WDFY2: variants seen among roughly 807,000 people sequenced by gnomAD.
The protein encoded by WDFY2 is WD repeat and FYVE domain containing 2, also known as WD repeat and FYVE domain-containing protein 2.
A neutral mutation model predicts 56.4 loss-of-function variants in WDFY2; 36 were observed. That is an observed-to-expected ratio of 0.64 (90% CI 0.49 to 0.84). The LOEUF (loss-of-function observed/expected upper bound fraction) is 0.84. WDFY2 is among the 40% of genes least tolerant of loss of function. WDFY2 has a pLI of 0.00. For missense variants in WDFY2, 444 were observed against 512.2 expected, an observed-to-expected ratio of 0.87 and a Z score of 1.29; for synonymous variants, 176 against 183.7, an observed-to-expected ratio of 0.96 and a Z score of 0.34.
At chr13:51,592,845 G>A (rs1323280747) in intron 1 of WDFY2, among the ~76,000 whole-genome samples, 1 of 152,168 alleles carries the variant, frequency 6.6e-6, no homozygotes, top group Admixed American at 6.5e-5. Flanking sequence ...ATATAGGCCA[G>A]GCGTGGTGAT....
At chr13:51,584,957 C>T in intron 1 of WDFY2, 133 bp downstream of exon 1, 1 of 1,260,230 alleles carries the variant, frequency 7.9e-7, no homozygotes, top group Non-Finnish European at 1.1e-6. Context: ...TAATGCGCAT[C>T]CTGGTGGTGC....
rs142738792 is a variant in WDFY2 at position 51,738,934 on chromosome 13, A to G, written c.599-115A>G. ...GACTTACTTGATTGTTCTTTCAATAAGAATTTATTGTATGCCAGGAACTGC... is the reference window on the plus strand; with the variant it reads ...GACTTACTTGATTGTTCTTTCAATAGGAATTTATTGTATGCCAGGAACTGC... On this transcript the variant is annotated intron_variant, in intron 6 of 11. Coordinates refer to ENST00000298125, the MANE Select transcript of WDFY2 (RefSeq NM_052950.4). The G allele has an allele frequency of 1.6e-4, 197 of 1,255,642 alleles. 1 individual carries two copies. In the African/African-American group the frequency reaches 2.6e-3, roughly 17 times the overall value. 77.8% of individuals were successfully genotyped at this position (1,255,642 alleles called of 1,614,324 possible).
chr13:51,607,442 A>T (rs776627977), intron 1 of WDFY2, among the ~76,000 whole-genome samples: 71 of 152,318 alleles, frequency 4.7e-4, no homozygotes, highest in Admixed American at 2.1e-3. Flanking sequence ...GACTCCAGTC[A>T]TGTTGCCAAG....
At chr13:51,696,449 T>C (rs1472043136) in intron 3 of WDFY2, among the ~76,000 whole-genome samples, 1 of 152,194 alleles carries the variant, frequency 6.6e-6, no homozygotes, top group Non-Finnish European at 1.5e-5. Context: ...TATTAACATA[T>C]AAGTTGTATC....
chr13:51,703,422 T>C lies in WDFY2; in HGVS notation c.280-174T>C, dbSNP rs377272445. Among the ~76,000 whole-genome samples the C allele has an allele frequency of 1.3e-3, 201 of 152,328 alleles. 1 individual carries two copies. The highest frequency in any genetic ancestry group is 3.9e-3 in the South Asian group (19 of 4,824). On this transcript the variant is annotated intron_variant, in intron 3 of 11. Transcript: ENST00000298125. Reference sequence around the variant, plus strand: ...GTAAAATTATGATAACTGCATTGGATCATAATTTTGATTGTTACTTTTAAA... The same window carrying C: ...GTAAAATTATGATAACTGCATTGGACCATAATTTTGATTGTTACTTTTAAA...
intron 1 of WDFY2, among the ~76,000 whole-genome samples, chr13:51,651,747 G>C (rs529554695): frequency 6.6e-6 from 1 of 152,330 alleles, no homozygotes; most frequent in South Asian, 2.1e-4. Context: ...TCTTAATGCT[G>C]AGTTCTAGTT....
chr13:51,744,635 C>T (rs944611619), intron 7 of WDFY2, among the ~76,000 whole-genome samples: 7 of 152,210 alleles, frequency 4.6e-5, no homozygotes, highest in Admixed American at 4.6e-4. Context: ...ATGAGGCCAT[C>T]CCACTAACTG....
intron 1 of WDFY2, among the ~76,000 whole-genome samples, chr13:51,628,405 G>A (rs930044531): frequency 2.0e-5 from 3 of 152,240 alleles, no homozygotes; most frequent in East Asian, 1.9e-4. Context: ...AGGCCAGGGC[G>A]TGGGAGCAGG....
At chr13:51,640,684 A>G (rs1955138666) in intron 1 of WDFY2, among the ~76,000 whole-genome samples, 2 of 152,216 alleles carry the variant, frequency 1.3e-5, no homozygotes, top group South Asian at 2.1e-4. Flanking sequence ...CCCTGTCTCT[A>G]CTAAAAATAC....
chr13:51,705,452 T>C (rs974446756), intron 4 of WDFY2, among the ~76,000 whole-genome samples: 19 of 152,140 alleles, frequency 1.2e-4, no homozygotes, highest in African/African-American at 4.3e-4. Flanking sequence ...CAAAATTATA[T>C]TTCCCTTCTC....
intron 3 of WDFY2, among the ~76,000 whole-genome samples, chr13:51,700,898 C>T (rs1268709428): frequency 1.3e-5 from 2 of 152,038 alleles, no homozygotes; most frequent in African/African-American, 4.8e-5. Flanking sequence ...ACCCAGGAGG[C>T]GGAGGTTGCG....
At chr13:51,724,819 T>C (rs938656168) in intron 5 of WDFY2, among the ~76,000 whole-genome samples, 2 of 152,216 alleles carry the variant, frequency 1.3e-5, no homozygotes, top group African/African-American at 4.8e-5. Context: ...TGTAGCATCA[T>C]ATGGAATAGT....
intron 6 of WDFY2, among the ~76,000 whole-genome samples, chr13:51,733,679 A>G (rs945590298): frequency 1.3e-5 from 2 of 152,200 alleles, no homozygotes; most frequent in Non-Finnish European, 2.9e-5. Context: ...ACTGGGGGAC[A>G]GCAGTGTGTG....
chr13:51,687,760 A>T (rs1391060932), intron 3 of WDFY2, among the ~76,000 whole-genome samples: 2 of 152,174 alleles, frequency 1.3e-5, no homozygotes, highest in Non-Finnish European at 2.9e-5. Context: ...GTAAAGAAGG[A>T]TAAAATGATC....
chr13:51,674,210 TATG>T (rs1201577246), intron 2 of WDFY2, among the ~76,000 whole-genome samples: 5 of 152,190 alleles, frequency 3.3e-5, no homozygotes, highest in African/African-American at 1.2e-4. Flanking sequence ...TGATTGTGAT[TATG>T]ATAATAGGTA....
At chr13:51,680,599 C>T (rs755514301) in intron 3 of WDFY2, among the ~76,000 whole-genome samples, 7 of 152,148 alleles carry the variant, frequency 4.6e-5, no homozygotes, top group Non-Finnish European at 7.4e-5. Context: ...CTGTGTTTCC[C>T]TAACAGTGTT....
intron 1 of WDFY2, chr13:51,587,085 A>C (rs1445975897): frequency 6.6e-6 from 1 of 152,234 alleles, no homozygotes; most frequent in Non-Finnish European, 1.5e-5. Flanking sequence ...AGAAACTAGT[A>C]ATCTTCATTC....
intron 7 of WDFY2, among the ~76,000 whole-genome samples, chr13:51,750,048 T>C (rs1429519115): frequency 6.6e-6 from 1 of 152,212 alleles, no homozygotes; most frequent in African/African-American, 2.4e-5. Context: ...CAGAGAAAGA[T>C]GTAACATTTT....
intron 3 of WDFY2, among the ~76,000 whole-genome samples, chr13:51,695,012 A>T (rs1473950521): frequency 2.6e-5 from 4 of 152,058 alleles, no homozygotes; most frequent in Admixed American, 6.6e-5. Flanking sequence ...GTAGTTCTCA[A>T]GCCTTGGCTT....
Sources: gnomAD v4.1 joint callset for allele counts (sites outside exome capture counted in the v4.1 genomes callset) on GRCh38, gnomAD v4.1.1 for gene constraint, MANE v1.5 for transcripts, NCBI Gene and HGNC (gene_info 2026-07-23, HGNC 2026-07-21) for gene names.